The following DPYSL3 variants were observed in gnomAD, a reference collection of about 807,000 sequenced individuals.
DPYSL3 encodes the protein dihydropyrimidinase like 3, also known as dihydropyrimidinase-related protein 3.
In DPYSL3, 16 loss-of-function variants were observed where a neutral mutation model predicts 66.1. The ratio of observed to expected loss-of-function variants is 0.24; its 90% CI spans 0.16 to 0.37. DPYSL3 has a LOEUF of 0.37. DPYSL3 is among the 10% of genes least tolerant of loss of function. The pLI, the probability that DPYSL3 is intolerant of heterozygous loss-of-function variation, is 1.00. For synonymous variants in DPYSL3, 338 were observed against 345.1 expected, an observed-to-expected ratio of 0.98 and a Z score of 0.23; for missense variants, 738 against 916.2, an observed-to-expected ratio of 0.81 and a Z score of 2.51.
intron 1 of DPYSL3, among the ~76,000 whole-genome samples, chr5:147,453,285 G>A (rs1752772606): frequency 6.6e-6 from 1 of 152,218 alleles, no homozygotes; most frequent in Non-Finnish European, 1.5e-5. Context: ...ACTACCGGCG[G>A]TGGGAAGGGA....
At chr5:147,480,779 A>G (rs1324379738) in intron 1 of DPYSL3, among the ~76,000 whole-genome samples, 1 of 150,406 alleles carries the variant, frequency 6.6e-6, no homozygotes, top group Non-Finnish European at 1.5e-5. Context: ...CTGGAGTGCA[A>G]TGGCGCGATC....
Position 147,509,741 on chromosome 5 carries a change from T to G in DPYSL3, c.118A>C (p.Asn40His). Reference sequence around the variant, plus strand: ...TTGCTCTCGAAGGCGCCCTCCACGTTGCAGAACATGCCGCCGTATTTCTGC... The same window carrying G: ...TTGCTCTCGAAGGCGCCCTCCACGTGGCAGAACATGCCGCCGTATTTCTGC... ...PRQKYGGMFC[N>H]VEGAFESKTL... Residue 40 changes from asparagine (N) to histidine (H), a missense_variant, in exon 1 of 14, where the codon AAC becomes CAC. Transcript: ENST00000343218. The surrounding 1 kb of genome is among the most constrained non-coding windows in gnomAD (Gnocchi z 5.3). The G allele has an allele frequency of 5.9e-6, 9 of 1,535,974 alleles. No homozygotes were observed. The highest frequency in any genetic ancestry group is 7.8e-6 in the Non-Finnish European group (9 of 1,146,804).
chr5:147,479,255 A>G (rs1753203355), intron 1 of DPYSL3, among the ~76,000 whole-genome samples: 1 of 152,212 alleles, frequency 6.6e-6, no homozygotes, highest in Non-Finnish European at 1.5e-5. Context: ...GCCCTAGGTC[A>G]TAGAGCTAAT....
chr5:147,407,482 C>A (rs1437499618), intron 7 of DPYSL3, among the ~76,000 whole-genome samples: 1 of 152,108 alleles, frequency 6.6e-6, no homozygotes, highest in Non-Finnish European at 1.5e-5. Flanking sequence ...TCCACAGTGA[C>A]CAGCATTTAA....
intron 1 of DPYSL3, among the ~76,000 whole-genome samples, chr5:147,452,846 G>A (rs1417942525): frequency 6.6e-6 from 1 of 150,934 alleles, no homozygotes; most frequent in Non-Finnish European, 1.5e-5. Flanking sequence ...TGATGTGAGG[G>A]AGAAAAGAAA....
chr5:147,486,259 G>A (rs745716660), intron 1 of DPYSL3, among the ~76,000 whole-genome samples: 1 of 152,116 alleles, frequency 6.6e-6, no homozygotes, highest in Non-Finnish European at 1.5e-5. Flanking sequence ...TATTGTAAAG[G>A]TACTTTATAC....
Position 147,391,473 on chromosome 5 carries a change from G to C in DPYSL3, c.*2562C>G, listed in dbSNP as rs1382708083. On this transcript the variant is annotated 3_prime_UTR_variant, in exon 14 of 14. Transcript: ENST00000343218. ...GCAATATGAGGAGGTTGGGGGGATG[G>C]CAGGGGCATCCTCAGGGTTGGGGGG... 1 of 152,540 alleles carries C rather than the reference G, an allele frequency of 6.6e-6. No homozygotes were observed. The highest frequency in any genetic ancestry group is 2.4e-5 in the African/African-American group (1 of 41,408). 9.4% of individuals were successfully genotyped at this position (152,540 alleles called of 1,614,324 possible).
At chr5:147,436,097 C>T (rs1752410696) in intron 1 of DPYSL3, among the ~76,000 whole-genome samples, 1 of 152,192 alleles carries the variant, frequency 6.6e-6, no homozygotes, top group Admixed American at 6.5e-5. Flanking sequence ...CTCTAATCTC[C>T]TATTGGTGCC....
chr5:147,421,739 G>A (rs755585348), intron 2 of DPYSL3, among the ~76,000 whole-genome samples: 15 of 152,112 alleles, frequency 9.9e-5, no homozygotes, highest in Admixed American at 4.6e-4. Context: ...TGACAAACCC[G>A]ACAAAAGTAA....
At chr5:147,411,663 T>A (rs1356435425) in intron 6 of DPYSL3, among the ~76,000 whole-genome samples, 1 of 152,172 alleles carries the variant, frequency 6.6e-6, no homozygotes, top group Non-Finnish European at 1.5e-5. Context: ...AAACGGCACC[T>A]GCTATCAGGA....
chr5:147,509,446 G>T lies in DPYSL3; in HGVS notation c.381+32C>A. ...GCCAGGGCTGGAGAAAGGAACGAAGGCAAGGAGGGAAGTGACCCGGGGCCC... is the reference window on the plus strand; with the variant it reads ...GCCAGGGCTGGAGAAAGGAACGAAGTCAAGGAGGGAAGTGACCCGGGGCCC... On this transcript the variant is annotated intron_variant, in intron 1 of 13. Coordinates refer to ENST00000343218, the MANE Select transcript of DPYSL3 (RefSeq NM_001197294.2). The surrounding 1 kb of genome is among the most constrained non-coding windows in gnomAD (Gnocchi z 5.3). The T allele has an allele frequency of 6.8e-7, 1 of 1,472,270 alleles. No individual in the cohort carries two copies. Among genetic ancestry groups the T allele is most frequent in the Non-Finnish European group, 9.0e-7 (1 of 1,116,020 alleles). The allele number at this position is 1,472,270 out of a possible 1,614,324, so 91.2% of individuals were successfully genotyped here.
intron 8 of DPYSL3, among the ~76,000 whole-genome samples, chr5:147,405,077 G>T (rs1758293943): frequency 2.0e-5 from 3 of 152,146 alleles, no homozygotes; most frequent in Admixed American, 2.0e-4. Context: ...GGGCCTCTCA[G>T]CATCTATTCT....
At chr5:147,429,931 T>G (rs1010151432) in intron 1 of DPYSL3, among the ~76,000 whole-genome samples, 15 of 152,212 alleles carry the variant, frequency 9.9e-5, no homozygotes, top group African/African-American at 3.4e-4. Context: ...ATGGCCTGAA[T>G]GTGTTAATGT....
Position 147,509,770 on chromosome 5 carries a change from G to A in DPYSL3, c.89C>T (p.Pro30Leu). 2.6e-6 allele frequency: 4 copies of A among 1,535,986 alleles called. No homozygotes were observed. Among genetic ancestry groups the A allele is most frequent in the South Asian group, 2.4e-5 (2 of 84,058 alleles). The change falls in exon 1 of 14, where the codon CCG becomes CTG. Residue 30 changes from proline (P) to leucine (L), a missense_variant. By Grantham distance (98) the Pro-to-Leu change is moderately conservative. Coordinates refer to ENST00000343218, the MANE Select transcript of DPYSL3 (RefSeq NM_001197294.2). The surrounding 1 kb of genome is among the most constrained non-coding windows in gnomAD (Gnocchi z 5.3). ...GAACATGCCGCCGTATTTCTGCCGC[G>A]GGACCTGGTCCGTGGTGCCCGGCCT... The part of the protein sequence containing the change: ...LARPGTTDQV[P>L]RQKYGGMFCN...
intron 1 of DPYSL3, among the ~76,000 whole-genome samples, chr5:147,483,570 C>T (rs1753282663): frequency 6.6e-6 from 1 of 152,194 alleles, no homozygotes; most frequent in African/African-American, 2.4e-5. Flanking sequence ...CAGACTTTCT[C>T]ATTTATTTAT....
At chr5:147,401,841 T>G (rs1016707524) in intron 8 of DPYSL3, 145 bp from the exon 9 acceptor site, 1 of 885,364 alleles carries the variant, frequency 1.1e-6, no homozygotes. Flanking sequence ...TCCCACCTTT[T>G]TAAAGCCCCT....
intron 1 of DPYSL3, among the ~76,000 whole-genome samples, chr5:147,475,390 T>C (rs1013002981): frequency 2.6e-5 from 4 of 152,084 alleles, no homozygotes; most frequent in Admixed American, 2.6e-4. Flanking sequence ...CTGTAATCAT[T>C]TCAAAATAAA....
chr5:147,452,498 AC>A (rs1467121782), intron 1 of DPYSL3, among the ~76,000 whole-genome samples: 1 of 151,102 alleles, frequency 6.6e-6, no homozygotes, highest in East Asian at 2.0e-4. Context: ...ACAAAGCACA[AC>A]CGCACTGCTT....
chr5:147,483,384 T>C (rs1042618870), intron 1 of DPYSL3, among the ~76,000 whole-genome samples: 3 of 152,238 alleles, frequency 2.0e-5, no homozygotes, highest in African/African-American at 7.2e-5. Context: ...AATGTAACAC[T>C]GTGTTTGAAA....
Sources: allele counts gnomAD v4.1 joint callset (sites outside exome capture counted in the v4.1 genomes callset), GRCh38; gene constraint gnomAD v4.1.1; non-coding constraint Gnocchi (gnomAD v3.1); transcripts MANE v1.5; gene names NCBI Gene and HGNC (gene_info 2026-07-23, HGNC 2026-07-21).